GATAD2A: variants seen among roughly 807,000 people sequenced by gnomAD.
GATAD2A encodes transcriptional repressor p66-alpha.
In GATAD2A, 12 loss-of-function variants were observed where a neutral mutation model predicts 68.5. The ratio of observed to expected loss-of-function variants is 0.18; its 90% confidence interval spans 0.11 to 0.28. The LOEUF is 0.28. GATAD2A is among the 10% of genes least tolerant of loss of function. The pLI is 1.00. For missense variants in GATAD2A, 755 were observed against 868.5 expected, an observed-to-expected ratio of 0.87 and a Z score of 1.64; for synonymous variants, 410 against 375.3, an observed-to-expected ratio of 1.09 and a Z score of -1.07.
At position 19,496,250 on chromosome 19, in the gene GATAD2A, AGT is replaced by A. The variant is rs758748693; in HGVS notation, c.924+38_924+39del. 18 of 1,599,504 alleles carry A rather than the reference AGT, an allele frequency of 1.1e-5. No individual in the cohort carries two copies. In the East Asian group the frequency reaches 3.6e-4, roughly 32 times the overall value. ...GGCTGCGCCACACTGTGCCAGGGAG[AGT>A]GTGTGTCCCACCTGTGACTGCTCCC... On this transcript the variant is annotated intron_variant, in intron 7 of 11. Coordinates refer to ENST00000683918, the MANE Select transcript of GATAD2A (RefSeq NM_001384528.1).
chr19:19,488,923 C>T (rs927626356), intron 2 of GATAD2A, among the ~76,000 whole-genome samples: 13 of 152,154 alleles, frequency 8.5e-5, no homozygotes, highest in African/African-American at 2.2e-4. Context: ...GAATGGCAGA[C>T]GCTGTCCCTG....
intron 10 of GATAD2A, 67 bp downstream of exon 10, chr19:19,502,110 G>T: frequency 8.5e-7 from 1 of 1,179,612 alleles, no homozygotes; most frequent in South Asian, 1.2e-5. Context: ...GTCAGTCGCC[G>T]ACTGTCACGC....
chr19:19,498,761 G>A, intron 8 of GATAD2A, 39 bp downstream of exon 8: 1 of 1,547,702 alleles, frequency 6.5e-7, no homozygotes, highest in Non-Finnish European at 8.8e-7. Context: ...TTCCGCCTCT[G>A]GCCTCCAAGG....
At chr19:19,495,946 G>C in intron 6 of GATAD2A, 61 bp downstream of exon 6, 2 of 1,592,514 alleles carry the variant, frequency 1.3e-6, no homozygotes, top group Non-Finnish European at 1.7e-6. Flanking sequence ...TACCTTGAAA[G>C]TAGGGCCCTT....
intron 2 of GATAD2A, among the ~76,000 whole-genome samples, chr19:19,487,751 G>A (rs1038905867): frequency 3.9e-5 from 6 of 152,164 alleles, no homozygotes; most frequent in Non-Finnish European, 7.3e-5. Context: ...CCAGGAGGGC[G>A]GGGGATGTTA....
chr19:19,496,043 C>G lies in GATAD2A; in HGVS notation c.757-9C>G. On this transcript the variant is annotated splice_polypyrimidine_tract_variant and intron_variant, in intron 6 of 11. Coordinates refer to ENST00000683918, the MANE Select transcript of GATAD2A (RefSeq NM_001384528.1). ...CAGATTTCTTGTTCTCCCCACCCTA[C>G]CCCAACAGCAAATCCACAGCATTAG... 6.2e-7 allele frequency: 1 copy of G among 1,612,576 alleles called. No individual in the cohort carries two copies. The highest frequency in any genetic ancestry group is 8.5e-7 in the Non-Finnish European group (1 of 1,178,818).
At chr19:19,404,926 T>A (rs2050053194), upstream of GATAD2A, among the ~76,000 whole-genome samples, 1 of 152,242 alleles carries the variant, frequency 6.6e-6, no homozygotes, top group Non-Finnish European at 1.5e-5. Flanking sequence ...AGATTTTCCA[T>A]GAACTTGATA....
intron 7 of GATAD2A, 126 bp downstream of exon 7, chr19:19,496,345 T>A: frequency 1.1e-6 from 1 of 869,586 alleles, no homozygotes; most frequent in Non-Finnish European, 1.8e-6. Flanking sequence ...CCTTGCTCTT[T>A]CAGAGCCAGG....
At chr19:19,401,212 C>CTTTTTTT (rs1187049852), upstream of GATAD2A, among the ~76,000 whole-genome samples, 2 of 91,828 alleles carry the variant, frequency 2.2e-5, no homozygotes, top group African/African-American at 4.1e-5. Context: ...AAAAACTTGG[C>CTTTTTTT]TTTTTTTTTT....
intron 10 of GATAD2A, 96 bp downstream of exon 10, chr19:19,502,139 C>G (rs1568343775): frequency 1.5e-5 from 15 of 978,958 alleles, no homozygotes; most frequent in Non-Finnish European, 2.1e-5. Flanking sequence ...CTGTCTGTCT[C>G]TCCCTGTTTC....
intron 2 of GATAD2A, among the ~76,000 whole-genome samples, chr19:19,481,981 C>T (rs1237331245): frequency 1.3e-5 from 2 of 152,234 alleles, no homozygotes; most frequent in African/African-American, 2.4e-5. Flanking sequence ...GTGGCTCGTG[C>T]CTGTAGTCCC....
chr19:19,433,330 T>G (rs1212380442), intron 1 of GATAD2A, among the ~76,000 whole-genome samples: 1 of 152,210 alleles, frequency 6.6e-6, no homozygotes, highest in Non-Finnish European at 1.5e-5. Flanking sequence ...TCATACTGTC[T>G]TGATGTAGCT....
At chr19:19,388,139 C>T (rs1212368454) in intron 1 of GATAD2A, among the ~76,000 whole-genome samples, 1 of 151,354 alleles carries the variant, frequency 6.6e-6, no homozygotes, top group Admixed American at 6.6e-5. Flanking sequence ...CTCACCGCAA[C>T]CTCCGCCTCC....
intron 2 of GATAD2A, among the ~76,000 whole-genome samples, chr19:19,486,911 T>C (rs2059477550): frequency 6.6e-6 from 1 of 152,206 alleles, no homozygotes; most frequent in Admixed American, 6.5e-5. Context: ...CAGAATCAAG[T>C]GAGACCCAGG....
At chr19:19,387,068 G>A (rs1452297658) in intron 1 of GATAD2A, among the ~76,000 whole-genome samples, 1 of 151,950 alleles carries the variant, frequency 6.6e-6, no homozygotes, top group Admixed American at 6.6e-5. Flanking sequence ...AGGGTCCCCC[G>A]CTTTCTTTGA....
exon 1 of GATAD2A, chr19:19,385,883 C>G (rs1265201850): frequency 2.6e-5 from 4 of 151,116 alleles, no homozygotes; most frequent in Admixed American, 2.6e-4. Flanking sequence ...CGGCTCCGAG[C>G]GCTGCGCGGC....
intron 7 of GATAD2A, among the ~76,000 whole-genome samples, chr19:19,496,940 T>A (rs2060194805): frequency 6.6e-6 from 1 of 152,214 alleles, no homozygotes; most frequent in South Asian, 2.1e-4. Context: ...CTCTGGGCAG[T>A]GTCCCTGCCT....
rs549366086 is a variant in GATAD2A at position 19,496,846 on chromosome 19, G to A, written c.924+627G>A. On this transcript the variant is annotated intron_variant, in intron 7 of 11. Transcript: ENST00000683918. Reference sequence around the variant, plus strand: ...CAGATAAAATTACCAGGTCTGCAGGGGCTTTTGTTGGTGGGCGTGTTCGCT... The same window carrying A: ...CAGATAAAATTACCAGGTCTGCAGGAGCTTTTGTTGGTGGGCGTGTTCGCT... Among the ~76,000 whole-genome samples, 7 of 152,302 alleles carry A rather than the reference G, an allele frequency of 4.6e-5. No homozygotes were observed. In the South Asian group the frequency reaches 1.2e-3, roughly 27 times the overall value.
chr19:19,495,870 C>G lies in GATAD2A; in HGVS notation c.741C>G (p.Leu247=). The G allele has an allele frequency of 6.2e-7, 1 of 1,612,738 alleles. No individual in the cohort carries two copies. The highest frequency in any genetic ancestry group is 8.5e-7 in the Non-Finnish European group (1 of 1,179,352). Residue 247 remains leucine (L), a synonymous_variant, in exon 6 of 12, where the codon CTC becomes CTG. Coordinates refer to ENST00000683918, the MANE Select transcript of GATAD2A (RefSeq NM_001384528.1). ...QASSQVVMPP[L]VRGAQQIHSI... is the part of the protein sequence containing the mutation. Reference sequence around the variant, plus strand: ...GCTCACAGGTCGTCATGCCCCCACTCGTCAGGGGGGCTCAGGTAAGCAGGG... The same window carrying G: ...GCTCACAGGTCGTCATGCCCCCACTGGTCAGGGGGGCTCAGGTAAGCAGGG...
Sources: allele counts gnomAD v4.1 joint callset (sites outside exome capture counted in the v4.1 genomes callset), GRCh38; gene constraint gnomAD v4.1.1; transcripts MANE v1.5; gene names NCBI Gene and HGNC (gene_info 2026-07-23, HGNC 2026-07-21).